Variants in HPSE2 observed in about 807,000 individuals in gnomAD.
HPSE2 encodes heparanase 2 (inactive), also known as inactive heparanase-2.
Under a neutral mutation model 60.5 loss-of-function variants are expected in HPSE2, and 38 were observed. The ratio of observed to expected loss-of-function variants is 0.63; its 90% CI spans 0.48 to 0.82. The LOEUF is 0.82. HPSE2 is among the 40% of genes least tolerant of loss of function. HPSE2 has a pLI of 0.00. For synonymous variants in HPSE2, 295 were observed against 293.2 expected, an observed-to-expected ratio of 1.01 and a Z score of -0.06; for missense variants, 713 against 740.4, an observed-to-expected ratio of 0.96 and a Z score of 0.43.
intron 6 of HPSE2, among the ~76,000 whole-genome samples, chr10:98,681,466 G>T (rs1229382882): frequency 6.6e-6 from 1 of 152,080 alleles, no homozygotes; most frequent in Non-Finnish European, 1.5e-5. Context: ...TGGGTAAAAG[G>T]TCTATTCCAA....
intron 3 of HPSE2, among the ~76,000 whole-genome samples, chr10:98,819,433 T>A (rs1047663160): frequency 2.6e-5 from 4 of 151,550 alleles, no homozygotes; most frequent in African/African-American, 9.7e-5. Context: ...TTTTTTTTTT[T>A]TTTTTAACCA....
Position 98,490,165 on chromosome 10 carries a change from AG to A in HPSE2, c.1351del (p.Leu451Ter). On this transcript the variant is annotated frameshift_variant, in exon 10 of 12. Coordinates refer to ENST00000370552, the MANE Select transcript of HPSE2 (RefSeq NM_021828.5). LOFTEE classifies it high-confidence loss of function. The part of the protein sequence containing the change: ...DYWLSLLYKR[L>X]IGPKVLAVHV... ...CACAGCCAAGACTTTGGGGCCGATC[AG>A]GCGCTTGTAGAGGAGAGAGAGCCAG... is the stretch of plus-strand genomic sequence containing the variant. 6.2e-7 allele frequency: 1 copy of A among 1,614,178 alleles called. No individual in the cohort carries two copies. Among genetic ancestry groups the A allele is most frequent in the South Asian group, 1.1e-5 (1 of 91,084 alleles).
Position 98,494,971 on chromosome 10 carries a change from T to C in HPSE2, c.1321-4775A>G, listed in dbSNP as rs150594212. Among the ~76,000 whole-genome samples the C allele has an allele frequency of 4.9e-3, 752 of 152,312 alleles. 9 individuals carry two copies. The highest frequency in any genetic ancestry group is 0.017 in the African/African-American group (706 of 41,586). ...TATTTGCTCATATACTTAATATTTA[T>C]TGAGATCTTTATTTTTTCATACAAC... On this transcript the variant is annotated intron_variant, in intron 9 of 11. Transcript: ENST00000370552.
chr10:98,736,484 T>A (rs555070538), intron 4 of HPSE2, among the ~76,000 whole-genome samples: 1 of 152,308 alleles, frequency 6.6e-6, no homozygotes, highest in Admixed American at 6.5e-5. Context: ...GATAATGAAC[T>A]CCAAGAACCA....
At chr10:98,520,640 T>A (rs752128420) in intron 9 of HPSE2, among the ~76,000 whole-genome samples, 3 of 152,206 alleles carry the variant, frequency 2.0e-5, no homozygotes, top group Non-Finnish European at 4.4e-5. Flanking sequence ...TTTTAGGACA[T>A]TTTCATTGAT....
the HPSE2 span, among the ~76,000 whole-genome samples, chr10:99,259,000 A>C: frequency 6.6e-6 from 1 of 152,234 alleles, no homozygotes; most frequent in Non-Finnish European, 1.5e-5. Flanking sequence ...GAAAGAAAAA[A>C]TGTAATAAAA....
intron 3 of HPSE2, among the ~76,000 whole-genome samples, chr10:98,837,046 A>AAAAC (rs943822585): frequency 4.6e-5 from 7 of 152,180 alleles, no homozygotes; most frequent in Middle Eastern, 3.4e-3. Context: ...CTCTGTCTCA[A>AAAAC]AAACAAACAA....
At chr10:98,836,124 C>G (rs900301685) in intron 3 of HPSE2, among the ~76,000 whole-genome samples, 19 of 152,208 alleles carry the variant, frequency 1.2e-4, no homozygotes, top group African/African-American at 4.3e-4. Flanking sequence ...TTTCTGATTT[C>G]TACTTTATTC....
intron 6 of HPSE2, among the ~76,000 whole-genome samples, chr10:98,673,903 T>C (rs1004018299): frequency 6.6e-6 from 1 of 152,212 alleles, no homozygotes; most frequent in Non-Finnish European, 1.5e-5. Context: ...AAGATGGTGT[T>C]AATGATATTT....
chr10:99,122,773 G>C (rs1435917021), intron 3 of HPSE2, among the ~76,000 whole-genome samples: 1 of 151,994 alleles, frequency 6.6e-6, no homozygotes, highest in Non-Finnish European at 1.5e-5. Flanking sequence ...GGAATCCAGT[G>C]ATGAATTTTC....
intron 9 of HPSE2, among the ~76,000 whole-genome samples, chr10:98,521,374 C>T (rs1942787757): frequency 6.6e-6 from 1 of 152,142 alleles, no homozygotes; most frequent in Non-Finnish European, 1.5e-5. Context: ...CCAACAGACA[C>T]ATGAAAAAAT....
the HPSE2 span, among the ~76,000 whole-genome samples, chr10:99,308,661 AT>A: frequency 1.3e-5 from 2 of 152,158 alleles, no homozygotes; most frequent in Admixed American, 1.3e-4. Flanking sequence ...TCACTTTAGT[AT>A]ATCAACTTTG....
At chr10:98,936,719 G>A (rs1345861607) in intron 3 of HPSE2, among the ~76,000 whole-genome samples, 2 of 142,798 alleles carry the variant, frequency 1.4e-5, no homozygotes, top group East Asian at 2.0e-4. Context: ...GGTGGCTCAC[G>A]CCTGTAATCC....
chr10:98,934,606 C>G lies in HPSE2; in HGVS notation c.611-190550G>C, dbSNP rs538937772. 8.3e-5 allele frequency among the ~76,000 whole-genome samples: 12 copies of G among 144,208 alleles called. 2 individuals are homozygous for G. The highest frequency in any genetic ancestry group is 3.4e-4 in the African/African-American group (12 of 35,544). The allele number at this position is 144,208 out of a possible 152,430, so 94.6% of individuals were successfully genotyped here. A position where few individuals can be genotyped will look rare whatever the true frequency, so the allele number is the denominator to read the frequency against. Reference sequence around the variant, plus strand: ...TTTTAACAATGTTGAACATTGGCCCCCAATTTCTTCTGGCTTGCAGAGTTT... The same window carrying G: ...TTTTAACAATGTTGAACATTGGCCCGCAATTTCTTCTGGCTTGCAGAGTTT... On this transcript the variant is annotated intron_variant, in intron 3 of 11. Transcript: ENST00000370552.
chr10:98,733,069 A>G (rs1207939435), intron 4 of HPSE2, among the ~76,000 whole-genome samples: 1 of 152,152 alleles, frequency 6.6e-6, no homozygotes, highest in Non-Finnish European at 1.5e-5. Flanking sequence ...TCTATTTAAT[A>G]TCTATCTCTT....
chr10:98,495,060 G>T (rs1941785350), intron 9 of HPSE2, among the ~76,000 whole-genome samples: 1 of 152,044 alleles, frequency 6.6e-6, no homozygotes, highest in Non-Finnish European at 1.5e-5. Context: ...ATTTTTTGCA[G>T]AGCAAGTCTA....
chr10:98,992,520 T>C (rs182931898), intron 3 of HPSE2, among the ~76,000 whole-genome samples: 295 of 152,326 alleles, frequency 1.9e-3, no homozygotes, highest in South Asian at 6.8e-3. Context: ...TGTTGAATCA[T>C]TGAAGCACAG....
intron 9 of HPSE2, among the ~76,000 whole-genome samples, chr10:98,556,924 T>A (rs1944024628): frequency 6.6e-6 from 1 of 152,224 alleles, no homozygotes; most frequent in South Asian, 2.1e-4. Context: ...AAAGCTATAG[T>A]AATTGTCCAG....
intron 6 of HPSE2, 75 bp downstream of exon 6, chr10:98,693,825 A>C: frequency 8.6e-7 from 1 of 1,160,602 alleles, no homozygotes; most frequent in Non-Finnish European, 1.3e-6. Context: ...GTCAGTTATG[A>C]ACTTAGTGAC....
Sources: allele counts gnomAD v4.1 joint callset (sites outside exome capture counted in the v4.1 genomes callset), GRCh38; gene constraint gnomAD v4.1.1; transcripts MANE v1.5; gene names NCBI Gene and HGNC (gene_info 2026-07-23, HGNC 2026-07-21).